GPNMB: variants seen among roughly 807,000 people sequenced by gnomAD.
The protein encoded by GPNMB is glycoprotein nmb.
A neutral mutation model predicts 57.3 loss-of-function variants in GPNMB; 71 were observed. That is an observed-to-expected ratio of 1.24 (90% confidence interval 1.02 to 1.51). The LOEUF (loss-of-function observed/expected upper bound fraction) is 1.51, where lower values mean the gene tolerates loss of function less well. Among genes scored for constraint, GPNMB ranks in the 40% most tolerant of loss-of-function variants. The probability of loss-of-function intolerance (pLI) is 0.00; values close to 1 mark genes in which losing one functional copy is unlikely to be tolerated. For synonymous variants in GPNMB, 253 were observed against 263.2 expected (o/e 0.96, Z 0.38); for missense variants, 677 against 691.9 (o/e 0.98, Z 0.24).
At chr7:23,255,237 T>G (rs1782748025) in intron 3 of GPNMB, among the ~76,000 whole-genome samples, 1 of 152,118 alleles carries the variant, frequency 6.6e-6, no homozygotes, top group South Asian at 2.1e-4. Flanking sequence ...CAGGTTGGTC[T>G]CAAACATTTG....
intron 1 of GPNMB, among the ~76,000 whole-genome samples, chr7:23,249,690 T>C (rs900948434): frequency 7.9e-5 from 12 of 152,224 alleles, no homozygotes; most frequent in African/African-American, 2.9e-4. Context: ...TGTACCACAG[T>C]TTGCTTAACC....
At chr7:23,261,021 C>G (rs1056760689) in intron 6 of GPNMB, among the ~76,000 whole-genome samples, 9 of 152,068 alleles carry the variant, frequency 5.9e-5, no homozygotes, top group African/African-American at 1.7e-4. Context: ...TTCTTTGACC[C>G]TCCTCATTTG....
intron 4 of GPNMB, 141 bp from the exon 5 acceptor site, chr7:23,259,839 T>C (rs1305687058): frequency 3.0e-6 from 2 of 671,432 alleles, no homozygotes; most frequent in African/African-American, 3.6e-5. Flanking sequence ...ACCATCTCCC[T>C]TTCTGAAGCA....
intron 1 of GPNMB, among the ~76,000 whole-genome samples, chr7:23,250,508 T>A (rs1003877127): frequency 5.3e-5 from 8 of 151,842 alleles, no homozygotes; most frequent in Admixed American, 2.6e-4. Context: ...GGCAGGTAGA[T>A]CACTTGAGCC....
Position 23,262,608 on chromosome 7 carries a change from C to CTTT in GPNMB, c.1018+1861_1018+1863dup, listed in dbSNP as rs58011121. On this transcript the variant is annotated intron_variant, in intron 6 of 10. Transcript: ENST00000258733. ...GTACTGTCATTTATTTCACCATTCT[C>CTTT]TTTTTTTTTTTTTTTTTTTTTTTTT... is the stretch of plus-strand genomic sequence containing the variant. Among the ~76,000 whole-genome samples the CTTT allele has an allele frequency of 2.9e-3, 182 of 62,848 alleles. 20 individuals carry two copies. The highest frequency in any genetic ancestry group is 0.012 in the East Asian group (20 of 1,622). 41.2% of individuals were successfully genotyped at this position (62,848 alleles called of 152,430 possible).
rs1372845899 is a variant in GPNMB, at chr7:23,266,124, AT to A, written c.1019-387del. On this transcript the variant is annotated intron_variant, in intron 6 of 10. Coordinates refer to ENST00000258733, the MANE Select transcript of GPNMB (RefSeq NM_002510.3). ...CCACCACACCTGGCTAATTTTTTGT[AT>A]TTTTTAGTAGAGGCGGGGTTTCACC... 9.5e-4 allele frequency: 152 copies of A among 160,802 alleles called. 1 individual carries two copies. Among genetic ancestry groups the A allele is most frequent in the Non-Finnish European group, 3.1e-4 (23 of 73,930 alleles). 10.0% of individuals were successfully genotyped at this position (160,802 alleles called of 1,614,324 possible).
chr7:23,273,142 T>C (rs1268057388), intron 9 of GPNMB: 1 of 166,562 alleles, frequency 6.0e-6, no homozygotes, highest in African/African-American at 2.4e-5. Context: ...ACGGGGAGTA[T>C]GGCCAACTTT....
At chr7:23,253,525 A>C in intron 2 of GPNMB, 66 bp downstream of exon 2, 1 of 1,358,074 alleles carries the variant, frequency 7.4e-7, no homozygotes, top group Non-Finnish European at 1.0e-6. Context: ...TAGATGGTAA[A>C]GCCTTTTAGA....
Position 23,260,768 on chromosome 7 carries a change from C to T in GPNMB, c.1013C>T (p.Ser338Phe), listed in dbSNP as rs750491353. The change falls in exon 6 of 11, where the codon TCT (serine) becomes TTT (phenylalanine). Residue 338 changes from serine to phenylalanine, a missense_variant. Transcript: ENST00000258733. ...PPPRPSKPTPSLGPAGDNPLE... is the reference protein window; with the variant it reads ...PPPRPSKPTPFLGPAGDNPLE... ...CCCAGACCTTCAAAACCCACCCCTT[C>T]TTTAGGTAAGGTTTCGCAGTGATCT... The T allele has an allele frequency of 3.9e-6, 6 of 1,537,308 alleles. No homozygotes were observed. Among genetic ancestry groups the T allele is most frequent in the African/African-American group, 2.8e-5 (2 of 72,294 alleles).
At position 23,254,179 on chromosome 7, in the gene GPNMB, G is replaced by A; in HGVS notation, c.234G>A (p.Val78=). The change falls in exon 3 of 11, where the codon GTG becomes GTA. Residue 78 remains valine (V), a synonymous_variant. Transcript: ENST00000258733. ...TTTTTTATACCCTAGGAGGCCGTGT[G>A]CAGGCGGTCCTGACCAGTGACTCAC... The part of the protein sequence containing the change: ...RWKNSWKGGR[V]QAVLTSDSPA... 6.2e-7 allele frequency: 1 copy of A among 1,612,878 alleles called. No individual in the cohort carries two copies. The highest frequency in any genetic ancestry group is 8.5e-7 in the Non-Finnish European group (1 of 1,179,520).
At chr7:23,252,985 GCAT>G (rs1464246251) in intron 1 of GPNMB, among the ~76,000 whole-genome samples, 1 of 152,106 alleles carries the variant, frequency 6.6e-6, no homozygotes, top group Non-Finnish European at 1.5e-5. Flanking sequence ...AAGATTATTG[GCAT>G]CAGTGTTTTC....
intron 6 of GPNMB, among the ~76,000 whole-genome samples, chr7:23,262,108 T>C (rs1489674589): frequency 6.6e-6 from 1 of 152,214 alleles, no homozygotes; most frequent in South Asian, 2.1e-4. Context: ...AAATCCTGTT[T>C]GTTATAAATT....
chr7:23,273,974 C>A (rs551159683), intron 10 of GPNMB, 91 bp from the exon 11 acceptor site: 7 of 956,200 alleles, frequency 7.3e-6, no homozygotes, highest in Non-Finnish European at 1.1e-5. Context: ...TGGAATGAAT[C>A]CTTTTATACC....
chr7:23,264,022 A>G (rs1284914121), intron 6 of GPNMB, among the ~76,000 whole-genome samples: 1 of 149,788 alleles, frequency 6.7e-6, no homozygotes, highest in Non-Finnish European at 1.5e-5. Flanking sequence ...CATGTGTGCT[A>G]TTTTTAAGTC....
At chr7:23,259,264 G>C (rs112715342) in intron 4 of GPNMB, among the ~76,000 whole-genome samples, 5,262 of 152,094 alleles carry the variant, frequency 0.035, 270 homozygotes, top group East Asian at 0.12. Flanking sequence ...CAGCTCACTG[G>C]AATCCCCGCT....
chr7:23,259,951 A>G (rs1348464630), intron 4 of GPNMB, 29 bp from the exon 5 acceptor site: 1 of 1,609,816 alleles, frequency 6.2e-7, no homozygotes, highest in Non-Finnish European at 8.5e-7. Context: ...TAATGCAGCC[A>G]ATAACTAAAA....
At position 23,267,983 on chromosome 7, in the gene GPNMB, A is replaced by G; in HGVS notation, c.1215A>G (p.Gln405=). The change falls in exon 8 of 11, where the codon CAA becomes CAG. Residue 405 remains glutamine (Q), a synonymous_variant. Transcript: ENST00000258733. ...TAATAGACTTTGTCGTGACCTGCCA[A>G]GGGAGGTGAGTATATTATCTCCGAC... is the stretch of plus-strand genomic sequence containing the variant. The part of the protein sequence containing the change: ...SSLIDFVVTC[Q]GSIPTEVCTI... The G allele has an allele frequency of 6.3e-7, 1 of 1,598,330 alleles. No individual in the cohort carries two copies. The highest frequency in any genetic ancestry group is 1.1e-5 in the South Asian group (1 of 90,714).
rs752209898 is a variant in GPNMB, at chr7:23,270,010, G to A, written c.1264G>A (p.Glu422Lys). Residue 422 changes from glutamate to lysine, a missense_variant, in exon 9 of 11, where the codon GAG becomes AAG. By Grantham distance (56) the Glu-to-Lys change is moderately conservative. Coordinates refer to ENST00000258733, the MANE Select transcript of GPNMB (RefSeq NM_002510.3). ...VCTIISDPTC[E>K]ITQNTVCSPV... Reference sequence around the variant, plus strand: ...TACCATCATTTCTGACCCCACCTGCGAGATCACCCAGAACACAGTCTGCAG... The same window carrying A: ...TACCATCATTTCTGACCCCACCTGCAAGATCACCCAGAACACAGTCTGCAG... The A allele has an allele frequency of 5.0e-6, 8 of 1,614,060 alleles. No individual in the cohort carries two copies. Among genetic ancestry groups the A allele is most frequent in the South Asian group, 3.3e-5 (3 of 91,074 alleles).
At chr7:23,252,567 T>C (rs2128481108) in intron 1 of GPNMB, among the ~76,000 whole-genome samples, 1 of 152,332 alleles carries the variant, frequency 6.6e-6, no homozygotes. Context: ...CTGTAACAAT[T>C]CTAAATGTAT....
Sources: allele counts gnomAD v4.1 joint callset (sites outside exome capture counted in the v4.1 genomes callset), GRCh38; gene constraint gnomAD v4.1.1; transcripts MANE v1.5; gene names NCBI Gene and HGNC (gene_info 2026-07-23, HGNC 2026-07-21).